Variants in TDRD9 observed in about 807,000 individuals in gnomAD.
TDRD9 encodes ATP-dependent RNA helicase TDRD9.
Under a neutral mutation model 172.6 loss-of-function variants are expected in TDRD9, and 124 were observed. The observed-to-expected ratio is 0.72, with a 90% confidence interval of 0.62 to 0.83. The LOEUF (loss-of-function observed/expected upper bound fraction) is 0.83, where lower values mean the gene tolerates loss of function less well. Ranked by LOEUF, TDRD9 falls within the 40% of genes least tolerant of loss-of-function variation. The pLI is 0.00. For missense variants in TDRD9, 1,479 were observed against 1,714.1 expected (o/e 0.86, Z 2.42); for synonymous variants, 619 against 617.1 (o/e 1.00, Z -0.05).
chr14:104,009,137 A>T (rs950756886), intron 20 of TDRD9, among the ~76,000 whole-genome samples: 1 of 152,246 alleles, frequency 6.6e-6, no homozygotes, highest in Non-Finnish European at 1.5e-5. Context: ...CCTGTACAGC[A>T]TGTGACTGTA....
In TDRD9 at chr14:104,006,733, G is replaced by GTGTCAC. The variant is rs1292819827; in HGVS notation, c.1943+28_1943+33dup. On this transcript the variant is annotated intron_variant, in intron 17 of 35. Coordinates refer to ENST00000409874, the MANE Select transcript of TDRD9 (RefSeq NM_153046.3). Reference sequence around the variant, plus strand: ...AGGTACTGAACATTCATATTTTAAAGTGTCACTGTATTTTAATGGTATTGA... The same window carrying GTGTCAC: ...AGGTACTGAACATTCATATTTTAAAGTGTCACTGTCACTGTATTTTAATGGTATTGA... 4 of 1,613,484 alleles carry GTGTCAC rather than the reference G, an allele frequency of 2.5e-6. No homozygotes were observed. The East Asian group carries it at 8.9e-5, about 36-fold the overall frequency.
In TDRD9 at chr14:103,998,702, C is replaced by G. The variant is rs1417766051; in HGVS notation, c.1457C>G (p.Ser486Cys). The change falls in exon 13 of 36, where the codon TCT becomes TGT. Residue 486 changes from serine to cysteine, a missense_variant. Physicochemically the swap from Ser to Cys is moderately radical, Grantham distance 112. Coordinates refer to ENST00000409874, the MANE Select transcript of TDRD9 (RefSeq NM_153046.3). The stretch of plus-strand genomic sequence containing the variant: ...CAGAGTCTGCGATTGAGTTGGGCTT[C>G]TAAAACCAGCTGTAATCAGAGAAAA... ...NYQSLRLSWA[S>C]KTSCNQRKGR... 1 of 1,592,076 alleles carries G rather than the reference C, an allele frequency of 6.3e-7. No individual in the cohort carries two copies. The highest frequency in any genetic ancestry group is 8.6e-7 in the Non-Finnish European group (1 of 1,160,368).
In TDRD9 at chr14:104,006,538, T is replaced by G. The variant is rs1248463604; in HGVS notation, c.1863T>G (p.Asp621Glu). The change falls in exon 16 of 36, where the codon GAT becomes GAG. Residue 621 changes from aspartate (D) to glutamate (E), a missense_variant. By Grantham distance (45) the Asp-to-Glu change is conservative. Around this residue, in one of 3 missense-constraint regions of TDRD9, gnomAD observed 1,413 missense variants for 1,649.1 expected, o/e 0.86. Transcript: ENST00000409874. ...IVLGHVFGCLDECLIIAAALS... is the reference protein window; with the variant it reads ...IVLGHVFGCLEECLIIAAALS... ...TTGGACATGTATTTGGATGTCTAGA[T>G]GAATGTCTTATTATAGGTAAGTGTG... The G allele has an allele frequency of 6.2e-7, 1 of 1,613,722 alleles. No individual in the cohort carries two copies. The highest frequency in any genetic ancestry group is 8.5e-7 in the Non-Finnish European group (1 of 1,179,760).
intron 32 of TDRD9, among the ~76,000 whole-genome samples, chr14:104,036,065 A>AT (rs1253243979): frequency 1.3e-5 from 2 of 152,084 alleles, no homozygotes; most frequent in South Asian, 4.1e-4. Flanking sequence ...AAATTAACAC[A>AT]TTTTTAAATT....
intron 1 of TDRD9, among the ~76,000 whole-genome samples, chr14:103,952,858 G>C (rs1324576331): frequency 2.0e-5 from 3 of 147,302 alleles, no homozygotes; most frequent in African/African-American, 7.5e-5. Flanking sequence ...TCCTGCCTCA[G>C]TCTCCCGAGT....
intron 7 of TDRD9, among the ~76,000 whole-genome samples, chr14:103,979,553 T>G (rs2033388686): frequency 6.6e-6 from 1 of 152,174 alleles, no homozygotes; most frequent in Non-Finnish European, 1.5e-5. Flanking sequence ...CCAATAACAG[T>G]GAGAACTCAG....
rs1209199166 is a variant in TDRD9, at chr14:104,052,303, CAG to C, written c.*223_*224del. On this transcript the variant is annotated 3_prime_UTR_variant, in exon 36 of 36. Transcript: ENST00000409874. ...TGGAAACTCTAGTCTTTTCTAGAAA[CAG>C]AAAATCACTGTATTAAATATTTTGG... 4 of 349,354 alleles carry C rather than the reference CAG, an allele frequency of 1.1e-5. No homozygotes were observed. Among genetic ancestry groups the C allele is most frequent in the African/African-American group, 6.2e-5 (3 of 48,318 alleles). The allele number at this position is 349,354 out of a possible 1,614,324, so 21.6% of individuals were successfully genotyped here.
At chr14:103,952,474 C>T (rs1473561583) in intron 1 of TDRD9, among the ~76,000 whole-genome samples, 3 of 149,822 alleles carry the variant, frequency 2.0e-5, no homozygotes, top group African/African-American at 7.3e-5. Flanking sequence ...ATCTCTTGAC[C>T]TCGTGATCCG....
At chr14:104,048,185 A>G (rs979272113) in intron 34 of TDRD9, among the ~76,000 whole-genome samples, 1 of 152,162 alleles carries the variant, frequency 6.6e-6, no homozygotes. Flanking sequence ...CTGTAAGTCC[A>G]TCCCCTGTGA....
chr14:103,940,341 C>T (rs2031143795), intron 1 of TDRD9: 1 of 153,262 alleles, frequency 6.5e-6, no homozygotes, highest in African/African-American at 2.4e-5. Flanking sequence ...TTTTTTCCCT[C>T]ACCGCCCTTC....
chr14:103,998,199 C>G (rs2034125546), intron 12 of TDRD9, among the ~76,000 whole-genome samples: 2 of 122,874 alleles, frequency 1.6e-5, no homozygotes, highest in South Asian at 5.4e-4. Context: ...TGCACAGATA[C>G]ACACACCCAT....
rs771528331 is a variant in TDRD9, at chr14:104,026,756, C to T, written c.3099C>T (p.Ala1033=). 4 of 1,613,962 alleles carry T rather than the reference C, an allele frequency of 2.5e-6. No individual in the cohort carries two copies. Among genetic ancestry groups the T allele is most frequent in the Non-Finnish European group, 3.4e-6 (4 of 1,179,882 alleles). ...LVCGKHWSDG[A]SQWFASLVSG... Reference sequence around the variant, plus strand: ...GTGGCAAGCACTGGAGTGACGGGGCCAGCCAGTGGTTCGCCTCTCTGGTGA... The same window carrying T: ...GTGGCAAGCACTGGAGTGACGGGGCTAGCCAGTGGTTCGCCTCTCTGGTGA... The change falls in exon 28 of 36, where the codon GCC becomes GCT. Residue 1033 remains alanine, a synonymous_variant. Coordinates refer to ENST00000409874, the MANE Select transcript of TDRD9 (RefSeq NM_153046.3).
chr14:103,996,855 G>A (rs1006770279), intron 12 of TDRD9, among the ~76,000 whole-genome samples: 2 of 152,212 alleles, frequency 1.3e-5, no homozygotes, highest in African/African-American at 2.4e-5. Flanking sequence ...TGCAGGTGGA[G>A]TGATCAGGGA....
At chr14:104,017,179 G>T (rs983708460) in intron 22 of TDRD9, among the ~76,000 whole-genome samples, 6 of 151,882 alleles carry the variant, frequency 4.0e-5, no homozygotes, top group Admixed American at 2.6e-4. Context: ...CAAGAGGAAG[G>T]GTTCTATAGG....
At chr14:103,956,107 AAAAAATATATATATATATATATATAT>A (rs1345632466) in intron 2 of TDRD9, among the ~76,000 whole-genome samples, 1 of 29,878 alleles carries the variant, frequency 3.3e-5, no homozygotes, top group African/African-American at 1.5e-4. Flanking sequence ...AAAAAAAAAA[AAAAAATATATATATATATATATATAT>A]ATATATATAT....
intron 7 of TDRD9, among the ~76,000 whole-genome samples, chr14:103,981,803 A>G (rs1362850976): frequency 2.0e-5 from 3 of 152,242 alleles, no homozygotes; most frequent in Non-Finnish European, 4.4e-5. Context: ...TAAAAAGCAG[A>G]GTGGTTTCAT....
intron 13 of TDRD9, among the ~76,000 whole-genome samples, chr14:103,999,538 A>G (rs1436618535): frequency 6.6e-6 from 1 of 152,134 alleles, no homozygotes. Context: ...TATATTCATG[A>G]CATACCTGGG....
Position 104,003,663 on chromosome 14 carries a change from T to A in TDRD9, c.1484-575T>A, listed in dbSNP as rs142345132. ...AAAAGAGTTGCTACTTCATAGGTGA[T>A]AGAGTCACAAGAGAGTAGTAGTTTG... On this transcript the variant is annotated intron_variant, in intron 13 of 35. Transcript: ENST00000409874. Among the ~76,000 whole-genome samples the A allele has an allele frequency of 3.0e-3, 454 of 152,334 alleles. 4 individuals carry two copies. Among genetic ancestry groups the A allele is most frequent in the African/African-American group, 0.011 (441 of 41,574 alleles).
At chr14:104,012,224 T>G (rs949223067) in intron 20 of TDRD9, among the ~76,000 whole-genome samples, 2 of 152,108 alleles carry the variant, frequency 1.3e-5, no homozygotes, top group Non-Finnish European at 2.9e-5. Flanking sequence ...GTGAACTCTT[T>G]TGTGTGGCCC....
Sources: allele counts gnomAD v4.1 joint callset (sites outside exome capture counted in the v4.1 genomes callset), GRCh38; gene constraint gnomAD v4.1.1; regional missense constraint gnomAD v4.1.1; transcripts MANE v1.5; gene names NCBI Gene and HGNC (gene_info 2026-07-23, HGNC 2026-07-21).